The following RAB6A variants were observed in gnomAD, a reference collection of about 807,000 sequenced individuals.
The protein encoded by RAB6A is RAB6A, member RAS oncogene family, also known as ras-related protein Rab-6A.
In RAB6A, 8 loss-of-function variants were observed where a neutral mutation model predicts 32.3. The observed-to-expected ratio is 0.25, with a 90% CI of 0.15 to 0.45. The LOEUF (loss-of-function observed/expected upper bound fraction) is 0.45, where lower values mean the gene tolerates loss of function less well. Among genes scored for constraint, RAB6A ranks in the 20% least tolerant of loss-of-function variants. The pLI, the probability that RAB6A is intolerant of heterozygous loss-of-function variation, is 1.00. For missense variants in RAB6A, 104 were observed against 249.4 expected (o/e 0.42, Z 3.93); for synonymous variants, 73 against 82.1 (o/e 0.89, Z 0.60).
intron 6 of RAB6A, among the ~76,000 whole-genome samples, chr11:73,698,577 T>A (rs1056115955): frequency 2.6e-5 from 4 of 152,158 alleles, no homozygotes; most frequent in African/African-American, 4.8e-5. Flanking sequence ...CTCTCTAAAA[T>A]CAGACCAACA....
chr11:73,707,836 A>G (rs1465729811), intron 5 of RAB6A, among the ~76,000 whole-genome samples: 2 of 152,156 alleles, frequency 1.3e-5, no homozygotes, highest in African/African-American at 4.8e-5. Flanking sequence ...GGCCATTATT[A>G]GGCCACCACA....
intron 2 of RAB6A, chr11:73,722,469 G>C (rs1946157330): frequency 1.3e-5 from 2 of 149,124 alleles, no homozygotes; most frequent in Admixed American, 6.7e-5. Context: ...GAGTAGCTGG[G>C]ACTACAGGTG....
intron 1 of RAB6A, among the ~76,000 whole-genome samples, chr11:73,754,979 A>T (rs967880114): frequency 6.6e-6 from 1 of 150,616 alleles, no homozygotes. Context: ...CTGGAGTGCA[A>T]TGGCGTGATC....
chr11:73,712,700 C>G (rs1945979604), intron 5 of RAB6A, among the ~76,000 whole-genome samples: 1 of 148,832 alleles, frequency 6.7e-6, no homozygotes, highest in Non-Finnish European at 1.5e-5. Context: ...TTTCATGCAG[C>G]AAGACCACAT....
At chr11:73,722,523 C>T (rs1485365081) in intron 2 of RAB6A, 1 of 150,674 alleles carries the variant, frequency 6.6e-6, no homozygotes, top group Non-Finnish European at 1.5e-5. Flanking sequence ...TTTATAGAGA[C>T]AGGGTTTTGC....
At chr11:73,737,758 G>T (rs1946421883) in intron 1 of RAB6A, among the ~76,000 whole-genome samples, 1 of 152,058 alleles carries the variant, frequency 6.6e-6, no homozygotes, top group African/African-American at 2.4e-5. Flanking sequence ...ACTTTGGGAG[G>T]CCAAGGCGGG....
chr11:73,726,223 T>C (rs1348552047), intron 2 of RAB6A, among the ~76,000 whole-genome samples: 1 of 146,770 alleles, frequency 6.8e-6, no homozygotes, highest in Non-Finnish European at 1.5e-5. Flanking sequence ...AGGCAGAGGT[T>C]GTAGTAAGCC....
intron 6 of RAB6A, among the ~76,000 whole-genome samples, chr11:73,699,865 G>C (rs1426767271): frequency 6.6e-6 from 1 of 152,134 alleles, no homozygotes; most frequent in Non-Finnish European, 1.5e-5. Flanking sequence ...TAGTGATGAG[G>C]AAAAGATATG....
chr11:73,739,252 GTAATAA>G (rs1473148241), intron 1 of RAB6A, among the ~76,000 whole-genome samples: 3 of 29,746 alleles, frequency 1.0e-4, no homozygotes, highest in African/African-American at 4.4e-4. Flanking sequence ...AAAAAAAATA[GTAATAA>G]TAATTAAAAA....
intron 6 of RAB6A, among the ~76,000 whole-genome samples, chr11:73,699,172 C>T (rs1945703070): frequency 6.6e-6 from 1 of 151,402 alleles, no homozygotes; most frequent in Non-Finnish European, 1.5e-5. Context: ...GTTTTTTAAA[C>T]AAAGCATTCC....
At chr11:73,682,104 C>T (rs548494088) in intron 6 of RAB6A, among the ~76,000 whole-genome samples, 30 of 152,204 alleles carry the variant, frequency 2.0e-4, no homozygotes, top group Non-Finnish European at 2.9e-4. Flanking sequence ...ATCAATATAA[C>T]ATTAATTATA....
intron 6 of RAB6A, among the ~76,000 whole-genome samples, chr11:73,681,023 C>A (rs563335410): frequency 6.6e-6 from 1 of 152,240 alleles, no homozygotes; most frequent in East Asian, 1.9e-4. Flanking sequence ...AGTGAAACTG[C>A]CTGATTATTT....
intron 6 of RAB6A, among the ~76,000 whole-genome samples, chr11:73,685,516 T>C (rs1252117834): frequency 6.9e-6 from 1 of 145,608 alleles, no homozygotes; most frequent in Non-Finnish European, 1.5e-5. Flanking sequence ...CTCGATCTCC[T>C]GAGCTCATGA....
intron 6 of RAB6A, among the ~76,000 whole-genome samples, chr11:73,687,252 T>C (rs1945473650): frequency 6.6e-6 from 1 of 152,144 alleles, no homozygotes; most frequent in Non-Finnish European, 1.5e-5. Context: ...TATTATTTAA[T>C]GGGTACAGAA....
intron 1 of RAB6A, among the ~76,000 whole-genome samples, chr11:73,751,695 G>A (rs963170027): frequency 6.6e-6 from 1 of 152,150 alleles, no homozygotes; most frequent in African/African-American, 2.4e-5. Context: ...GAGGGATAGA[G>A]TACAAACAAT....
intron 6 of RAB6A, among the ~76,000 whole-genome samples, chr11:73,683,749 C>G (rs1283060496): frequency 6.6e-6 from 1 of 151,832 alleles, no homozygotes; most frequent in Non-Finnish European, 1.5e-5. Flanking sequence ...GATGGGGTTT[C>G]ACCATGTTGG....
chr11:73,681,839 A>G (rs776974001), intron 6 of RAB6A, among the ~76,000 whole-genome samples: 1 of 152,096 alleles, frequency 6.6e-6, no homozygotes, highest in Non-Finnish European at 1.5e-5. Flanking sequence ...TGTATAAAGG[A>G]GCAAATTGTA....
At chr11:73,711,578 A>G (rs1945958559) in intron 5 of RAB6A, among the ~76,000 whole-genome samples, 1 of 152,230 alleles carries the variant, frequency 6.6e-6, no homozygotes, top group Non-Finnish European at 1.5e-5. Flanking sequence ...ATAGTGCTAT[A>G]GGAAATAGAC....
At chr11:73,760,352 G>A (rs1012917342) in intron 1 of RAB6A, among the ~76,000 whole-genome samples, 1 of 152,136 alleles carries the variant, frequency 6.6e-6, no homozygotes. Context: ...GAACGGAGCC[G>A]GGGAGTCGAG....
Sources: allele counts gnomAD v4.1 joint callset (sites outside exome capture counted in the v4.1 genomes callset), GRCh38; gene constraint gnomAD v4.1.1; transcripts MANE v1.5; gene names NCBI Gene and HGNC (gene_info 2026-07-23, HGNC 2026-07-21).